The following PPP6R3 variants were observed in gnomAD, a reference collection of about 807,000 sequenced individuals.
PPP6R3 encodes the protein serine/threonine-protein phosphatase 6 regulatory subunit 3.
PPP6R3 carries 38 observed loss-of-function variants against 110.7 expected under a neutral mutation model. The ratio of observed to expected loss-of-function variants is 0.34; its 90% CI spans 0.26 to 0.45. The LOEUF is 0.45. Ranked by LOEUF, PPP6R3 falls within the 20% of genes least tolerant of loss-of-function variation. The probability of loss-of-function intolerance (pLI) is 1.00; values close to 1 mark genes in which losing one functional copy is unlikely to be tolerated. For synonymous variants in PPP6R3, 369 were observed against 373.5 expected, an observed-to-expected ratio of 0.99 and a Z score of 0.14; for missense variants, 870 against 1,062.4, an observed-to-expected ratio of 0.82 and a Z score of 2.52.
At chr11:68,574,962 ATGTT>A (rs2099524821) in intron 13 of PPP6R3, among the ~76,000 whole-genome samples, 1 of 152,164 alleles carries the variant, frequency 6.6e-6, no homozygotes, top group Non-Finnish European at 1.5e-5. Context: ...TTTCTTAAGA[ATGTT>A]TGTTTGTTCA....
chr11:68,568,858 G>A (rs2099490367), intron 10 of PPP6R3, among the ~76,000 whole-genome samples: 2 of 151,516 alleles, frequency 1.3e-5, no homozygotes, highest in Non-Finnish European at 2.9e-5. Flanking sequence ...TCCGCCTCCT[G>A]GGTTCACGCC....
rs1280574991 is a variant in PPP6R3 at position 68,614,920 on chromosome 11, T to C, written c.*1803T>C. The C allele has an allele frequency of 6.9e-6, 5 of 721,216 alleles. No homozygotes were observed. Among genetic ancestry groups the C allele is most frequent in the East Asian group, 3.0e-5 (1 of 32,930 alleles). The allele number at this position is 721,216 out of a possible 1,614,324, so 44.7% of individuals were successfully genotyped here. Reference sequence around the variant, plus strand: ...GCCTGGTGGTGAGTTTTGCCAGCCATGGCCAGGGTTTGGCTCCACTGGTGG... The same window carrying C: ...GCCTGGTGGTGAGTTTTGCCAGCCACGGCCAGGGTTTGGCTCCACTGGTGG... On this transcript the variant is annotated 3_prime_UTR_variant, in exon 24 of 24. Transcript: ENST00000393800.
intron 14 of PPP6R3, among the ~76,000 whole-genome samples, chr11:68,579,835 G>T (rs2099546290): frequency 6.6e-6 from 1 of 152,222 alleles, no homozygotes; most frequent in South Asian, 2.1e-4. Context: ...GCAGTACTGT[G>T]CTGTGCAGGT....
intron 1 of PPP6R3, among the ~76,000 whole-genome samples, chr11:68,516,406 A>G (rs2099137083): frequency 2.0e-5 from 3 of 152,248 alleles, no homozygotes. Flanking sequence ...TTTAGGATAT[A>G]TGTATAAAGT....
At chr11:68,574,470 A>G (rs1239788174) in intron 13 of PPP6R3, among the ~76,000 whole-genome samples, 2 of 152,208 alleles carry the variant, frequency 1.3e-5, no homozygotes, top group Admixed American at 6.5e-5. Context: ...TTCAGCATAT[A>G]AGAGTCACCT....
At chr11:68,477,140 T>G (rs77154695) in intron 1 of PPP6R3, among the ~76,000 whole-genome samples, 2,071 of 152,288 alleles carry the variant, frequency 0.014, 56 homozygotes, top group African/African-American at 0.047. Flanking sequence ...ATTCTATGTG[T>G]GTTTAAAAGA....
intron 1 of PPP6R3, among the ~76,000 whole-genome samples, chr11:68,501,701 T>C (rs1592132384): frequency 6.6e-6 from 1 of 152,262 alleles, no homozygotes; most frequent in African/African-American, 2.4e-5. Flanking sequence ...TCCAACTGTA[T>C]TTTTAAAGTA....
intron 6 of PPP6R3, among the ~76,000 whole-genome samples, chr11:68,552,488 A>T (rs1186870443): frequency 1.3e-5 from 2 of 152,218 alleles, no homozygotes; most frequent in East Asian, 3.8e-4. Context: ...GCTCCTTTGC[A>T]GTAGTTGTTA....
intron 1 of PPP6R3, among the ~76,000 whole-genome samples, chr11:68,494,137 T>C (rs1322673407): frequency 6.7e-6 from 1 of 148,922 alleles, no homozygotes; most frequent in Non-Finnish European, 1.5e-5. Context: ...AAAAAGATAA[T>C]TAGATTTTTT....
intron 2 of PPP6R3, among the ~76,000 whole-genome samples, chr11:68,536,618 C>G (rs1484520344): frequency 2.0e-5 from 3 of 152,172 alleles, no homozygotes; most frequent in Non-Finnish European, 4.4e-5. Context: ...CCATCCTTTG[C>G]AGCCTCCTTC....
intron 1 of PPP6R3, among the ~76,000 whole-genome samples, chr11:68,474,496 A>G (rs2153276589): frequency 6.6e-6 from 1 of 152,132 alleles, no homozygotes; most frequent in South Asian, 2.1e-4. Flanking sequence ...TTATGTGTCC[A>G]TGTTCATGGT....
chr11:68,597,141 C>T (rs181964999), intron 19 of PPP6R3, among the ~76,000 whole-genome samples: 4 of 152,272 alleles, frequency 2.6e-5, no homozygotes, highest in East Asian at 3.9e-4. Flanking sequence ...TAACTGTGAA[C>T]GGGCCACAGA....
chr11:68,609,776 T>G (rs1318582427), intron 22 of PPP6R3, 128 bp from the exon 23 acceptor site: 2 of 1,551,612 alleles, frequency 1.3e-6, no homozygotes, highest in Admixed American at 1.7e-5. Flanking sequence ...CTGCGCATGC[T>G]CAGTCCCAGG....
In PPP6R3 at chr11:68,564,437, G is replaced by C; in HGVS notation, c.975+5G>C. On this transcript the variant is annotated splice_donor_5th_base_variant and intron_variant, in intron 9 of 23. Transcript: ENST00000393800. Reference sequence around the variant, plus strand: ...CTCCTGCTGGAGCCACCCAAGGTAGGGGAGCTATGTTAAGCATGGCTGCCC... The same window carrying C: ...CTCCTGCTGGAGCCACCCAAGGTAGCGGAGCTATGTTAAGCATGGCTGCCC... 6.2e-7 allele frequency: 1 copy of C among 1,613,804 alleles called. No individual in the cohort carries two copies. The highest frequency in any genetic ancestry group is 2.2e-5 in the East Asian group (1 of 44,860).
intron 12 of PPP6R3, among the ~76,000 whole-genome samples, chr11:68,573,635 A>T (rs936389831): frequency 6.6e-6 from 1 of 152,208 alleles, no homozygotes; most frequent in Admixed American, 6.5e-5. Context: ...TCATTGGTAG[A>T]TAATTATTTC....
chr11:68,482,984 TC>T (rs2098925079), intron 1 of PPP6R3, among the ~76,000 whole-genome samples: 1 of 152,196 alleles, frequency 6.6e-6, no homozygotes, highest in Non-Finnish European at 1.5e-5. Flanking sequence ...TATAGCCATT[TC>T]CCATATCAAG....
At chr11:68,588,904 A>G (rs1017913091) in intron 16 of PPP6R3, among the ~76,000 whole-genome samples, 8 of 152,064 alleles carry the variant, frequency 5.3e-5, no homozygotes, top group Non-Finnish European at 1.0e-4. Context: ...AAATAGTATT[A>G]TCTATAAAGT....
chr11:68,523,042 C>T (rs2099171428), intron 2 of PPP6R3, among the ~76,000 whole-genome samples: 1 of 152,194 alleles, frequency 6.6e-6, no homozygotes, highest in African/African-American at 2.4e-5. Flanking sequence ...TTGTAATCTA[C>T]TTGGCTTCTA....
chr11:68,513,080 G>A (rs908084764), intron 1 of PPP6R3, among the ~76,000 whole-genome samples: 2 of 152,062 alleles, frequency 1.3e-5, no homozygotes, highest in African/African-American at 4.8e-5. Flanking sequence ...CTTGGGTCCT[G>A]AGGCTTTTGT....
Sources: gnomAD v4.1 joint callset for allele counts (sites outside exome capture counted in the v4.1 genomes callset) on GRCh38, gnomAD v4.1.1 for gene constraint, MANE v1.5 for transcripts, NCBI Gene and HGNC (gene_info 2026-07-23, HGNC 2026-07-21) for gene names.